The following MIPOL1 variants were observed in gnomAD, a reference collection of about 807,000 sequenced individuals.
MIPOL1 encodes mirror-image polydactyly 1.
A neutral mutation model predicts 60.9 loss-of-function variants in MIPOL1; 57 were observed. The ratio of observed to expected loss-of-function variants is 0.94; its 90% CI spans 0.76 to 1.17. MIPOL1 has a LOEUF of 1.17. Among genes scored for constraint, MIPOL1 ranks in the 50% most tolerant of loss-of-function variants. MIPOL1 has a pLI of 0.00. For synonymous variants in MIPOL1, 179 were observed against 168.8 expected (o/e 1.06, Z -0.47); for missense variants, 551 against 511.6 (o/e 1.08, Z -0.74).
intron 9 of MIPOL1, among the ~76,000 whole-genome samples, chr14:37,336,759 T>A (rs1400744018): frequency 6.6e-6 from 1 of 151,864 alleles, no homozygotes; most frequent in African/African-American, 2.4e-5. Flanking sequence ...TTTTTAAAAA[T>A]TTTTTTATTT....
At chr14:37,461,270 A>T (rs2094535320) in intron 11 of MIPOL1, among the ~76,000 whole-genome samples, 1 of 152,336 alleles carries the variant, frequency 6.6e-6, no homozygotes, top group Non-Finnish European at 1.5e-5. Flanking sequence ...GGCAGAAGGC[A>T]AGGAGGAGCA....
chr14:37,309,208 T>G (rs2087069537), intron 9 of MIPOL1, among the ~76,000 whole-genome samples: 1 of 151,982 alleles, frequency 6.6e-6, no homozygotes, highest in African/African-American at 2.4e-5. Context: ...CCTCAAGTGA[T>G]CCTCCTCCCT....
chr14:37,433,050 T>A (rs1412087439), intron 11 of MIPOL1, among the ~76,000 whole-genome samples: 1 of 152,180 alleles, frequency 6.6e-6, no homozygotes, highest in Non-Finnish European at 1.5e-5. Context: ...GAAGGGCTGA[T>A]GTTGTACTTT....
At chr14:37,408,390 G>A (rs2093627251) in intron 10 of MIPOL1, among the ~76,000 whole-genome samples, 1 of 152,122 alleles carries the variant, frequency 6.6e-6, no homozygotes, top group African/African-American at 2.4e-5. Flanking sequence ...AGTACTTTGG[G>A]AGGTCAAGGC....
intron 9 of MIPOL1, among the ~76,000 whole-genome samples, chr14:37,327,141 A>G (rs906302421): frequency 6.6e-6 from 1 of 152,146 alleles, no homozygotes; most frequent in Non-Finnish European, 1.5e-5. Flanking sequence ...TATTGGATGT[A>G]CTTTATTTGT....
chr14:37,212,400 A>C (rs1966869103), intron 1 of MIPOL1: 1 of 152,292 alleles, frequency 6.6e-6, no homozygotes, highest in South Asian at 2.1e-4. Context: ...CTAACTTAAG[A>C]GAACTTGGGC....
chr14:37,444,522 G>A (rs1180993824), intron 11 of MIPOL1, among the ~76,000 whole-genome samples: 1 of 152,100 alleles, frequency 6.6e-6, no homozygotes, highest in Admixed American at 6.6e-5. Context: ...TATTGACAAG[G>A]TAATTCTAAA....
At chr14:37,486,406 G>T (rs2094947128) in intron 11 of MIPOL1, among the ~76,000 whole-genome samples, 1 of 152,046 alleles carries the variant, frequency 6.6e-6, no homozygotes, top group African/African-American at 2.4e-5. Flanking sequence ...CATTGAATCT[G>T]TGAATTACTT....
At chr14:37,320,635 A>T (rs181292959) in intron 9 of MIPOL1, among the ~76,000 whole-genome samples, 1 of 151,650 alleles carries the variant, frequency 6.6e-6, no homozygotes, top group East Asian at 1.9e-4. Flanking sequence ...TTTTCTCCTT[A>T]TGGTTAATGC....
intron 11 of MIPOL1, among the ~76,000 whole-genome samples, chr14:37,478,466 C>G (rs1224927764): frequency 2.0e-5 from 3 of 152,090 alleles, no homozygotes; most frequent in Non-Finnish European, 4.4e-5. Context: ...TGATGAAAAT[C>G]TGATGCCATC....
At chr14:37,479,980 G>C (rs2094836902) in intron 11 of MIPOL1, among the ~76,000 whole-genome samples, 1 of 151,986 alleles carries the variant, frequency 6.6e-6, no homozygotes, top group Non-Finnish European at 1.5e-5. Context: ...TACCAACACT[G>C]AATCATGAAA....
chr14:37,429,600 T>C (rs1177484309), intron 11 of MIPOL1, among the ~76,000 whole-genome samples: 1 of 152,136 alleles, frequency 6.6e-6, no homozygotes, highest in Non-Finnish European at 1.5e-5. Flanking sequence ...GGAATAAACA[T>C]TAACCCTACT....
At chr14:37,202,711 T>G (rs968684524) in intron 1 of MIPOL1, among the ~76,000 whole-genome samples, 1 of 152,194 alleles carries the variant, frequency 6.6e-6, no homozygotes, top group African/African-American at 2.4e-5. Context: ...GTGAGTCCAA[T>G]TGTAGTCATT....
chr14:37,354,249 T>C (rs2091631687), intron 9 of MIPOL1, among the ~76,000 whole-genome samples: 1 of 151,524 alleles, frequency 6.6e-6, no homozygotes, highest in African/African-American at 2.4e-5. Flanking sequence ...AGTTCTAGTT[T>C]GATTGCACTG....
intron 7 of MIPOL1, among the ~76,000 whole-genome samples, chr14:37,286,714 G>C (rs1363045009): frequency 6.6e-6 from 1 of 151,506 alleles, no homozygotes; most frequent in Non-Finnish European, 1.5e-5. Context: ...TAGATTAATG[G>C]CTTCATTTTT....
chr14:37,202,913 T>C (rs1446964249), intron 1 of MIPOL1, among the ~76,000 whole-genome samples: 2 of 152,212 alleles, frequency 1.3e-5, no homozygotes, highest in Non-Finnish European at 2.9e-5. Context: ...AAGGTGAATG[T>C]ATTTGTCTAT....
At chr14:37,293,016 C>G (rs1321861379) in intron 7 of MIPOL1, among the ~76,000 whole-genome samples, 2 of 152,098 alleles carry the variant, frequency 1.3e-5, no homozygotes, top group Admixed American at 1.3e-4. Flanking sequence ...TATACGTATC[C>G]TAATTTCATG....
At chr14:37,368,683 G>A (rs1446643603) in intron 9 of MIPOL1, among the ~76,000 whole-genome samples, 1 of 151,846 alleles carries the variant, frequency 6.6e-6, no homozygotes, top group African/African-American at 2.4e-5. Context: ...TCCCCCATGT[G>A]TCTTCCTATT....
chr14:37,304,755 T>A (rs2086641982), intron 7 of MIPOL1, among the ~76,000 whole-genome samples: 1 of 151,762 alleles, frequency 6.6e-6, no homozygotes, highest in African/African-American at 2.4e-5. Context: ...TCACTTAGAG[T>A]GCAAGGATGT....
Sources: gnomAD v4.1 joint callset for allele counts (sites outside exome capture counted in the v4.1 genomes callset) on GRCh38, gnomAD v4.1.1 for gene constraint, MANE v1.5 for transcripts, NCBI Gene and HGNC (gene_info 2026-07-23, HGNC 2026-07-21) for gene names.